Variants in SUMF1 observed in about 807,000 individuals in gnomAD.
The protein encoded by SUMF1 is formylglycine-generating enzyme.
In SUMF1, 48 loss-of-function variants were observed where a neutral mutation model predicts 47.6. The observed-to-expected ratio is 1.01, with a 90% CI of 0.80 to 1.28. The LOEUF (loss-of-function observed/expected upper bound fraction) is 1.28. SUMF1 is among the 50% of genes most tolerant of loss of function. The pLI is 0.00. For missense variants in SUMF1, 571 were observed against 485.4 expected (o/e 1.18, Z -1.66); for synonymous variants, 230 against 192.1 (o/e 1.20, Z -1.63).
chr3:4,159,050 C>A (rs1694515766), intron 8 of SUMF1, among the ~76,000 whole-genome samples: 1 of 151,446 alleles, frequency 6.6e-6, no homozygotes, highest in Non-Finnish European at 1.5e-5. Context: ...ATCAGTTCAT[C>A]TTTTCATCTT....
At chr3:4,061,550 A>T (rs939401054) in intron 9 of SUMF1, among the ~76,000 whole-genome samples, 4 of 152,130 alleles carry the variant, frequency 2.6e-5, no homozygotes, top group African/African-American at 9.7e-5. Context: ...CCATCTCCTC[A>T]GCTGCAGCAC....
At chr3:4,388,951 T>A (rs1294764233) in intron 7 of SUMF1, among the ~76,000 whole-genome samples, 3 of 152,138 alleles carry the variant, frequency 2.0e-5, no homozygotes, top group Non-Finnish European at 4.4e-5. Context: ...TAGAACCATA[T>A]CAGACAATGT....
At chr3:4,346,772 G>T (rs1360432773) in intron 8 of SUMF1, among the ~76,000 whole-genome samples, 1 of 150,306 alleles carries the variant, frequency 6.7e-6, no homozygotes, top group African/African-American at 2.5e-5. Context: ...TTAATAGAAA[G>T]ATAGACCGCT....
chr3:4,219,734 G>A (rs569976738), intron 8 of SUMF1, among the ~76,000 whole-genome samples: 3 of 152,080 alleles, frequency 2.0e-5, no homozygotes, highest in Non-Finnish European at 4.4e-5. Context: ...AATACACTGG[G>A]AATATGTTAA....
At chr3:4,131,722 G>A (rs1005063178) in intron 8 of SUMF1, among the ~76,000 whole-genome samples, 9 of 152,180 alleles carry the variant, frequency 5.9e-5, no homozygotes, top group Admixed American at 3.9e-4. Flanking sequence ...ACCTCTCTGA[G>A]TAGTCAAAAA....
chr3:4,209,451 A>G (rs980762813), intron 8 of SUMF1, among the ~76,000 whole-genome samples: 3 of 152,184 alleles, frequency 2.0e-5, no homozygotes, highest in African/African-American at 7.2e-5. Flanking sequence ...ATAAAGTTCG[A>G]TGAGAATACT....
intron 8 of SUMF1, among the ~76,000 whole-genome samples, chr3:4,220,389 C>G (rs1395592469): frequency 3.3e-5 from 5 of 152,224 alleles, no homozygotes; most frequent in Non-Finnish European, 7.4e-5. Flanking sequence ...TTTCAAATTC[C>G]TTTCTAAAAC....
At chr3:4,072,122 C>A (rs764510958) in intron 8 of SUMF1, among the ~76,000 whole-genome samples, 1 of 152,144 alleles carries the variant, frequency 6.6e-6, no homozygotes, top group Non-Finnish European at 1.5e-5. Context: ...TGCTGTTCTG[C>A]AGCCTCCTTT....
intron 8 of SUMF1, among the ~76,000 whole-genome samples, chr3:4,340,438 A>G (rs1284767611): frequency 6.6e-6 from 1 of 152,176 alleles, no homozygotes; most frequent in Admixed American, 6.5e-5. Context: ...GGTCTTCATG[A>G]AAGTAAATGG....
At chr3:4,454,244 G>A (rs1703077213) in intron 1 of SUMF1, among the ~76,000 whole-genome samples, 1 of 152,104 alleles carries the variant, frequency 6.6e-6, no homozygotes, top group Non-Finnish European at 1.5e-5. Context: ...ACAGCAATTG[G>A]GGCTGCCTTA....
intron 8 of SUMF1, among the ~76,000 whole-genome samples, chr3:4,218,331 A>C (rs1325835590): frequency 6.6e-6 from 1 of 152,178 alleles, no homozygotes; most frequent in African/African-American, 2.4e-5. Flanking sequence ...AAAATGGCAA[A>C]ATGCAAAGAT....
intron 7 of SUMF1, among the ~76,000 whole-genome samples, chr3:4,392,428 C>T (rs1700897698): frequency 6.6e-6 from 1 of 151,812 alleles, no homozygotes; most frequent in Admixed American, 6.6e-5. Flanking sequence ...TTAGTTTTAA[C>T]TTAAATACTC....
chr3:4,372,641 T>C (rs1375111270), intron 8 of SUMF1, among the ~76,000 whole-genome samples: 2 of 152,190 alleles, frequency 1.3e-5, no homozygotes, highest in Non-Finnish European at 2.9e-5. Flanking sequence ...TTACTCCTCA[T>C]CAGAACCTTA....
intron 9 of SUMF1, among the ~76,000 whole-genome samples, chr3:4,047,768 A>G (rs1243038740): frequency 6.6e-6 from 1 of 152,126 alleles, no homozygotes; most frequent in Non-Finnish European, 1.5e-5. Flanking sequence ...CAGTCAGACA[A>G]TGCACTGGGA....
chr3:4,134,093 G>C (rs983290025), intron 8 of SUMF1, among the ~76,000 whole-genome samples: 6 of 152,018 alleles, frequency 3.9e-5, no homozygotes, highest in South Asian at 2.1e-4. Context: ...TCCAGGAATT[G>C]AACTCAGCTC....
intron 8 of SUMF1, among the ~76,000 whole-genome samples, chr3:4,200,153 T>C (rs914414802): frequency 1.3e-5 from 2 of 150,954 alleles, no homozygotes; most frequent in East Asian, 3.9e-4. Flanking sequence ...ATTTTGCATA[T>C]GGTGTGAGGT....
chr3:4,040,549 T>C (rs1276400187), intron 9 of SUMF1, among the ~76,000 whole-genome samples: 1 of 152,144 alleles, frequency 6.6e-6, no homozygotes, highest in Non-Finnish European at 1.5e-5. Flanking sequence ...CAAAATCAAC[T>C]TCCAAAATAC....
At chr3:4,132,363 G>A (rs1430060261) in intron 8 of SUMF1, among the ~76,000 whole-genome samples, 1 of 152,124 alleles carries the variant, frequency 6.6e-6, no homozygotes, top group East Asian at 1.9e-4. Flanking sequence ...TAGATTGATA[G>A]AACAGTGGAA....
rs149407349 is a variant in SUMF1 at position 4,053,953 on chromosome 3, T to C, written c.1191+14616A>G. Among the ~76,000 whole-genome samples the C allele has an allele frequency of 3.8e-3, 579 of 152,272 alleles. 1 individual carries two copies. Among genetic ancestry groups the C allele is most frequent in the Admixed American group, 9.2e-3 (141 of 15,278 alleles). On this transcript the variant is annotated intron_variant and NMD_transcript_variant, in intron 9 of 12. Transcript: ENST00000448413. ...CATAATTACTGGCTCTGAAGTAATT[T>C]GGAAGCCCTACAATGACCTATTCTG...
Sources: gnomAD v4.1 joint callset for allele counts (sites outside exome capture counted in the v4.1 genomes callset) on GRCh38, gnomAD v4.1.1 for gene constraint, MANE v1.5 for transcripts, NCBI Gene and HGNC (gene_info 2026-07-23, HGNC 2026-07-21) for gene names.